Variants in FAM107B observed in about 807,000 individuals in gnomAD.
FAM107B encodes family with sequence similarity 107 member B.
In FAM107B, 21 loss-of-function variants were observed where a neutral mutation model predicts 31.5. That is an observed-to-expected ratio of 0.67 (90% confidence interval 0.47 to 0.96). The LOEUF (loss-of-function observed/expected upper bound fraction) is 0.96. Among genes scored for constraint, FAM107B ranks in the 40% least tolerant of loss-of-function variants. The pLI is 0.00. For missense variants in FAM107B, 452 were observed against 377.1 expected, an observed-to-expected ratio of 1.20 and a Z score of -1.64; for synonymous variants, 157 against 141.5, an observed-to-expected ratio of 1.11 and a Z score of -0.78.
intron 2 of FAM107B, among the ~76,000 whole-genome samples, chr10:14,557,578 T>C (rs1275765599): frequency 6.6e-6 from 1 of 152,192 alleles, no homozygotes; most frequent in African/African-American, 2.4e-5. Context: ...AAACTGGTAA[T>C]AGAAATTATA....
At chr10:14,664,013 A>G (rs184666226) in intron 2 of FAM107B, among the ~76,000 whole-genome samples, 13 of 152,086 alleles carry the variant, frequency 8.5e-5, no homozygotes, top group Admixed American at 5.9e-4. Context: ...TCACAAATGA[A>G]TTTCATCTCT....
intron 2 of FAM107B, among the ~76,000 whole-genome samples, chr10:14,600,559 C>A (rs1564595057): frequency 6.6e-6 from 1 of 151,522 alleles, no homozygotes. Context: ...CCTTAATTCA[C>A]CAAGCAGTGC....
intron 1 of FAM107B, among the ~76,000 whole-genome samples, chr10:14,761,011 C>CAAAAAAAAAAAAAAAAAAAAAAA (rs565835423): frequency 1.3e-5 from 1 of 77,628 alleles, no homozygotes; most frequent in Non-Finnish European, 2.7e-5. Context: ...GACTCCGTTT[C>CAAAAAAAAAAAAAAAAAAAAAAA]AAAAAAAAAA....
chr10:14,558,263 TCA>T (rs1275410686), intron 2 of FAM107B, among the ~76,000 whole-genome samples: 2 of 151,544 alleles, frequency 1.3e-5, no homozygotes, highest in African/African-American at 4.9e-5. Context: ...ACGCGCACAG[TCA>T]CACATACGTG....
At position 14,685,156 on chromosome 10, in the gene FAM107B, T is replaced by A. The variant is rs200024323; in HGVS notation, c.412-17465A>T. Reference sequence around the variant, plus strand: ...AACATCCTTTTATTTTTTTTTTTTTTTTTTTTTTTTGAGACAGGTTCTTGC... The same window carrying A: ...AACATCCTTTTATTTTTTTTTTTTTATTTTTTTTTTGAGACAGGTTCTTGC... On this transcript the variant is annotated intron_variant, in intron 1 of 4. Coordinates refer to ENST00000181796, the MANE Select transcript of FAM107B (RefSeq NM_031453.4). 1.6e-3 allele frequency among the ~76,000 whole-genome samples: 238 copies of A among 147,526 alleles called. 1 individual carries two copies. Among genetic ancestry groups the A allele is most frequent in the African/African-American group, 4.6e-3 (183 of 39,858 alleles).
At chr10:14,528,280 C>T (rs569866507) in intron 3 of FAM107B, among the ~76,000 whole-genome samples, 2 of 141,184 alleles carry the variant, frequency 1.4e-5, no homozygotes, top group African/African-American at 5.3e-5. Flanking sequence ...CTCCCATGTT[C>T]AAGCAATTCT....
intron 3 of FAM107B, among the ~76,000 whole-genome samples, chr10:14,528,529 T>C (rs1164684129): frequency 6.6e-6 from 1 of 152,148 alleles, no homozygotes; most frequent in Non-Finnish European, 1.5e-5. Context: ...ACTTTATAGA[T>C]GAAGAAACAG....
chr10:14,631,663 T>C (rs1255437638), intron 2 of FAM107B, among the ~76,000 whole-genome samples: 1 of 152,108 alleles, frequency 6.6e-6, no homozygotes, highest in Non-Finnish European at 1.5e-5. Flanking sequence ...GACCCCTCTT[T>C]TTTCCTTCTC....
intron 2 of FAM107B, among the ~76,000 whole-genome samples, chr10:14,569,509 CA>C (rs2131249452): frequency 6.6e-6 from 1 of 152,168 alleles, no homozygotes; most frequent in East Asian, 1.9e-4. Context: ...ATTGTTCCAG[CA>C]AAAACTTTAG....
chr10:14,668,169 G>GTAGC (rs374671837), intron 1 of FAM107B, among the ~76,000 whole-genome samples: 83 of 152,188 alleles, frequency 5.5e-4, no homozygotes, highest in African/African-American at 1.9e-3. Context: ...AGCCTCCTAA[G>GTAGC]TAGCTAGGAT....
At chr10:14,772,908 TGGGTCTGCATTGCTC>T (rs1564299207) in intron 1 of FAM107B, among the ~76,000 whole-genome samples, 1 of 152,134 alleles carries the variant, frequency 6.6e-6, no homozygotes, top group African/African-American at 2.4e-5. Flanking sequence ...TAATATAAGG[TGGGTCTGCATTGCTC>T]AACAGAAAGT....
intron 1 of FAM107B, among the ~76,000 whole-genome samples, chr10:14,700,684 T>A (rs1855376428): frequency 6.6e-6 from 1 of 151,966 alleles, no homozygotes; most frequent in Admixed American, 6.6e-5. Context: ...TAAACAACAA[T>A]GATGCTTTTT....
At chr10:14,738,063 T>C (rs988838419) in intron 1 of FAM107B, among the ~76,000 whole-genome samples, 1 of 152,138 alleles carries the variant, frequency 6.6e-6, no homozygotes, top group African/African-American at 2.4e-5. Context: ...CACGGTCTCA[T>C]TGGAATTTAC....
chr10:14,712,179 A>G (rs1261542325), intron 1 of FAM107B, among the ~76,000 whole-genome samples: 1 of 152,174 alleles, frequency 6.6e-6, no homozygotes, highest in Non-Finnish European at 1.5e-5. Context: ...AGGATATTCA[A>G]TTTTCCATGA....
At chr10:14,577,869 A>C (rs1032604319) in intron 2 of FAM107B, among the ~76,000 whole-genome samples, 1 of 152,198 alleles carries the variant, frequency 6.6e-6, no homozygotes, top group Non-Finnish European at 1.5e-5. Context: ...ACATTTTAGG[A>C]CAGTTAATAT....
chr10:14,653,361 T>C (rs570495462), intron 2 of FAM107B, among the ~76,000 whole-genome samples: 1 of 152,318 alleles, frequency 6.6e-6, no homozygotes, highest in African/African-American at 2.4e-5. Flanking sequence ...GAAATCTATC[T>C]AAAAGGTGCC....
At chr10:14,696,120 C>G (rs11596567) in intron 1 of FAM107B, among the ~76,000 whole-genome samples, 44,214 of 151,906 alleles carry the variant, frequency 0.29, 6,993 homozygotes, top group Non-Finnish European at 0.35. Context: ...TGGGTTTTTC[C>G]TAGATGGCCT....
chr10:14,552,080 C>G (rs79562887), intron 2 of FAM107B, among the ~76,000 whole-genome samples: 1 of 152,128 alleles, frequency 6.6e-6, no homozygotes. Flanking sequence ...CTTAGAGAAA[C>G]AAAACATTTT....
At chr10:14,628,932 G>C (rs1012712625) in intron 2 of FAM107B, among the ~76,000 whole-genome samples, 8 of 151,676 alleles carry the variant, frequency 5.3e-5, no homozygotes, top group Non-Finnish European at 1.2e-4. Flanking sequence ...CTTTTAAGTT[G>C]ACACAATAAA....
Sources: allele counts gnomAD v4.1 joint callset (sites outside exome capture counted in the v4.1 genomes callset), GRCh38; gene constraint gnomAD v4.1.1; transcripts MANE v1.5; gene names NCBI Gene and HGNC (gene_info 2026-07-23, HGNC 2026-07-21).